The following PDE4B variants were observed in gnomAD, a reference collection of about 807,000 sequenced individuals.
PDE4B encodes the protein 3',5'-cyclic-AMP phosphodiesterase 4B.
A neutral mutation model predicts 82.2 loss-of-function variants in PDE4B; 20 were observed. That is an observed-to-expected ratio of 0.24 (90% CI 0.17 to 0.35). PDE4B has a LOEUF of 0.35. Among genes scored for constraint, PDE4B ranks in the 10% least tolerant of loss-of-function variants. The pLI is 1.00. For synonymous variants in PDE4B, 320 were observed against 318.9 expected (o/e 1.00, Z -0.04); for missense variants, 655 against 907.2 (o/e 0.72, Z 3.57).
intron 7 of PDE4B, chr1:66,267,512 G>T (rs1429806435): frequency 6.6e-6 from 1 of 152,156 alleles, no homozygotes; most frequent in Non-Finnish European, 1.5e-5. Context: ...CAAACATTAG[G>T]AGAATATGTA....
At chr1:66,186,044 TTCTAC>T (rs1406505593) in intron 3 of PDE4B, among the ~76,000 whole-genome samples, 1 of 152,202 alleles carries the variant, frequency 6.6e-6, no homozygotes, top group Non-Finnish European at 1.5e-5. Flanking sequence ...AGTTTCAGCT[TTCTAC>T]ATATGGCTAG....
At chr1:66,345,776 G>A (rs1661349348) in intron 8 of PDE4B, among the ~76,000 whole-genome samples, 1 of 152,090 alleles carries the variant, frequency 6.6e-6, no homozygotes, top group Non-Finnish European at 1.5e-5. Context: ...TAATTGTTAG[G>A]TTGCATGAGA....
chr1:66,064,403 C>T (rs569842482), intron 3 of PDE4B, among the ~76,000 whole-genome samples: 24 of 151,800 alleles, frequency 1.6e-4, no homozygotes, highest in Admixed American at 6.6e-4. Context: ...TTGGAAGTCA[C>T]TAGCTGTTCT....
chr1:66,212,433 G>A (rs1261009519), intron 3 of PDE4B, among the ~76,000 whole-genome samples: 1 of 152,032 alleles, frequency 6.6e-6, no homozygotes, highest in African/African-American at 2.4e-5. Flanking sequence ...ATATCCACGT[G>A]AAAACTCCCT....
At chr1:66,148,607 G>A (rs1392825) in intron 3 of PDE4B, among the ~76,000 whole-genome samples, 2,045 of 152,042 alleles carry the variant, frequency 0.013, 49 homozygotes, top group African/African-American at 0.047. Context: ...AAATTTTTGG[G>A]TATCTCCCCT....
intron 7 of PDE4B, among the ~76,000 whole-genome samples, chr1:66,271,818 C>T (rs1655503502): frequency 6.6e-5 from 10 of 152,192 alleles, no homozygotes; most frequent in Admixed American, 6.5e-4. Context: ...GACTTGGTTG[C>T]ATAAATTATT....
At chr1:66,362,319 G>A (rs1662845539) in intron 10 of PDE4B, among the ~76,000 whole-genome samples, 1 of 152,156 alleles carries the variant, frequency 6.6e-6, no homozygotes, top group African/African-American at 2.4e-5. Context: ...CACTGACTCT[G>A]GAGCCCAAAC....
chr1:65,939,893 C>T (rs568054750), intron 3 of PDE4B, among the ~76,000 whole-genome samples: 3 of 152,170 alleles, frequency 2.0e-5, no homozygotes, highest in Admixed American at 6.5e-5. Context: ...CATCCTATGT[C>T]TCATTATTTG....
intron 3 of PDE4B, among the ~76,000 whole-genome samples, chr1:66,017,158 T>G (rs1184203094): frequency 6.6e-6 from 1 of 152,216 alleles, no homozygotes. Flanking sequence ...TTCAGACTGT[T>G]GAATATTAGA....
In PDE4B at chr1:66,029,400, A is replaced by G. The variant is rs78980888; in HGVS notation, c.281+110565A>G. The stretch of plus-strand genomic sequence containing the variant: ...CACAGCCAAACCATATCTGTATGTG[A>G]TTAGATAGGAAGCTTGCTCTAAGTT... On this transcript the variant is annotated intron_variant, in intron 3 of 16. Transcript: ENST00000341517. 6.6e-3 allele frequency among the ~76,000 whole-genome samples: 1,002 copies of G among 152,292 alleles called. 12 individuals carry two copies. The highest frequency in any genetic ancestry group is 0.023 in the African/African-American group (955 of 41,576).
intron 3 of PDE4B, among the ~76,000 whole-genome samples, chr1:65,937,696 C>G (rs1648233734): frequency 6.6e-6 from 1 of 152,120 alleles, no homozygotes; most frequent in Non-Finnish European, 1.5e-5. Flanking sequence ...TGATTGCCGT[C>G]TTAGGTATGT....
At chr1:65,957,813 T>C (rs1297236108) in intron 3 of PDE4B, among the ~76,000 whole-genome samples, 1 of 152,104 alleles carries the variant, frequency 6.6e-6, no homozygotes, top group Non-Finnish European at 1.5e-5. Context: ...AATATATATT[T>C]TCAATCTGTG....
At chr1:66,284,086 T>C (rs1656493057) in intron 7 of PDE4B, among the ~76,000 whole-genome samples, 1 of 152,114 alleles carries the variant, frequency 6.6e-6, no homozygotes, top group Admixed American at 6.6e-5. Context: ...AAACATAACT[T>C]GATTTATAAC....
chr1:65,900,548 T>C (rs1036800635), intron 1 of PDE4B, among the ~76,000 whole-genome samples: 18 of 152,088 alleles, frequency 1.2e-4, no homozygotes, highest in Non-Finnish European at 2.2e-4. Context: ...CTTTGGGCAT[T>C]ATGGGCATTT....
At chr1:66,087,669 CATGGAATACT>C (rs1323303069) in intron 3 of PDE4B, among the ~76,000 whole-genome samples, 1 of 151,856 alleles carries the variant, frequency 6.6e-6, no homozygotes, top group Non-Finnish European at 1.5e-5. Flanking sequence ...ACTTATACAC[CATGGAATACT>C]ATGCAGCTAT....
intron 3 of PDE4B, among the ~76,000 whole-genome samples, chr1:66,140,089 T>G (rs762458201): frequency 6.6e-6 from 1 of 152,220 alleles, no homozygotes; most frequent in African/African-American, 2.4e-5. Context: ...GATGGAGCAG[T>G]AAACGCCTTG....
At chr1:66,301,177 A>G (rs1429075315) in intron 7 of PDE4B, among the ~76,000 whole-genome samples, 2 of 142,094 alleles carry the variant, frequency 1.4e-5, no homozygotes, top group East Asian at 2.0e-4. Flanking sequence ...GATTACCAAT[A>G]TTAGAGAAGC....
intron 3 of PDE4B, among the ~76,000 whole-genome samples, chr1:65,928,624 A>G (rs1647654136): frequency 6.6e-6 from 1 of 152,174 alleles, no homozygotes; most frequent in East Asian, 1.9e-4. Context: ...GGGCTCTTCA[A>G]AGATGCAGGT....
chr1:66,205,671 A>G (rs1649487445), intron 3 of PDE4B, among the ~76,000 whole-genome samples: 1 of 152,250 alleles, frequency 6.6e-6, no homozygotes, highest in Non-Finnish European at 1.5e-5. Context: ...ACACACTTTC[A>G]TAGATATTCC....
Sources: gnomAD v4.1 joint callset for allele counts (sites outside exome capture counted in the v4.1 genomes callset) on GRCh38, gnomAD v4.1.1 for gene constraint, MANE v1.5 for transcripts, NCBI Gene and HGNC (gene_info 2026-07-23, HGNC 2026-07-21) for gene names.